The following CTNNA2 variants were observed in gnomAD, a reference collection of about 807,000 sequenced individuals.
CTNNA2 encodes catenin alpha 2.
In CTNNA2, 42 loss-of-function variants were observed where a neutral mutation model predicts 101.0. That is an observed-to-expected ratio of 0.42 (90% CI 0.32 to 0.54). The LOEUF is 0.54. Ranked by LOEUF, CTNNA2 falls within the 20% of genes least tolerant of loss-of-function variation. The pLI is 0.14. For synonymous variants in CTNNA2, 450 were observed against 456.4 expected (o/e 0.99, Z 0.18); for missense variants, 871 against 1,223.1 (o/e 0.71, Z 4.29).
At chr2:79,860,257 A>G (rs1436299813) in intron 4 of CTNNA2, among the ~76,000 whole-genome samples, 1 of 152,194 alleles carries the variant, frequency 6.6e-6, no homozygotes, top group Non-Finnish European at 1.5e-5. Context: ...ACCTAACAAA[A>G]TTAACCTTAC....
intron 3 of CTNNA2, among the ~76,000 whole-genome samples, chr2:79,808,790 A>G (rs897558420): frequency 1.6e-5 from 2 of 125,556 alleles, no homozygotes; most frequent in Non-Finnish European, 3.2e-5. Context: ...CTTTGTCATC[A>G]TCTTTTTTTT....
At chr2:79,459,368 A>C (rs1348520919) in intron 4 of CTNNA2, among the ~76,000 whole-genome samples, 4 of 152,132 alleles carry the variant, frequency 2.6e-5, no homozygotes, top group Non-Finnish European at 4.4e-5. Flanking sequence ...CAAATAGAGG[A>C]ATATGCAAGT....
intron 7 of CTNNA2, among the ~76,000 whole-genome samples, chr2:80,112,929 G>A (rs951033658): frequency 1.3e-5 from 2 of 152,136 alleles, no homozygotes; most frequent in African/African-American, 2.4e-5. Context: ...AGCTAATCAG[G>A]AGCCAGCTGT....
At chr2:79,719,049 C>T (rs1573778885) in intron 2 of CTNNA2, among the ~76,000 whole-genome samples, 1 of 152,226 alleles carries the variant, frequency 6.6e-6, no homozygotes, top group East Asian at 1.9e-4. Flanking sequence ...GCCCTTCCTC[C>T]TCGCTCTAGT....
At chr2:79,343,388 G>T (rs574767579) in intron 3 of CTNNA2, among the ~76,000 whole-genome samples, 2 of 152,244 alleles carry the variant, frequency 1.3e-5, no homozygotes, top group Admixed American at 1.3e-4. Context: ...TATCCATTTT[G>T]CAGAGCAATT....
chr2:79,847,764 G>A (rs1680354645), intron 3 of CTNNA2, among the ~76,000 whole-genome samples: 1 of 152,026 alleles, frequency 6.6e-6, no homozygotes, highest in Admixed American at 6.6e-5. Context: ...AGGAGCATGA[G>A]GAAATCAAGA....
At chr2:80,406,428 A>C (rs1679066674) in intron 8 of CTNNA2, among the ~76,000 whole-genome samples, 1 of 152,024 alleles carries the variant, frequency 6.6e-6, no homozygotes, top group African/African-American at 2.4e-5. Flanking sequence ...GGGAGAAGTC[A>C]GCACTAATGG....
At chr2:79,432,703 T>C (rs1166712287) in intron 4 of CTNNA2, among the ~76,000 whole-genome samples, 3 of 152,200 alleles carry the variant, frequency 2.0e-5, no homozygotes. Flanking sequence ...TTTAGAGATC[T>C]GTGAGTTTAT....
At chr2:79,642,350 A>G (rs1020517127) in intron 1 of CTNNA2, among the ~76,000 whole-genome samples, 5 of 152,196 alleles carry the variant, frequency 3.3e-5, no homozygotes, top group African/African-American at 4.8e-5. Flanking sequence ...TTCACTGCAA[A>G]TAGCAAAAAC....
intron 7 of CTNNA2, among the ~76,000 whole-genome samples, chr2:80,329,497 A>G (rs1342583463): frequency 6.6e-6 from 1 of 152,218 alleles, no homozygotes; most frequent in Non-Finnish European, 1.5e-5. Flanking sequence ...TTGGTCAAAG[A>G]GCAGACACAT....
At chr2:79,994,111 T>C (rs1692373663) in intron 7 of CTNNA2, among the ~76,000 whole-genome samples, 1 of 151,892 alleles carries the variant, frequency 6.6e-6, no homozygotes, top group Admixed American at 6.6e-5. Context: ...GAGACAGGGG[T>C]CTTACTATGT....
chr2:79,379,319 C>A (rs1253380821), intron 4 of CTNNA2, among the ~76,000 whole-genome samples: 1 of 152,092 alleles, frequency 6.6e-6, no homozygotes, highest in Non-Finnish European at 1.5e-5. Flanking sequence ...TATAATATTC[C>A]ATTATAAAAA....
intron 1 of CTNNA2, among the ~76,000 whole-genome samples, chr2:79,640,202 A>T (rs1680357655): frequency 6.6e-6 from 1 of 152,178 alleles, no homozygotes; most frequent in Admixed American, 6.5e-5. Context: ...TGGAATTCAG[A>T]GAAAAGAAAA....
intron 7 of CTNNA2, among the ~76,000 whole-genome samples, chr2:79,979,129 T>C (rs2104602392): frequency 6.6e-6 from 1 of 152,282 alleles, no homozygotes; most frequent in East Asian, 1.9e-4. Context: ...CTCAAGCCTG[T>C]AATCCCCGAG....
rs548770864 is a variant in CTNNA2 at position 80,090,007 on chromosome 2, A to G, written c.1056+180210A>G. ...TTAAAATGTTGGGTCTCTATAAAAC[A>G]TTGTTGATCTGCCAGGATGTGGGAT... On this transcript the variant is annotated intron_variant, in intron 7 of 18. Transcript: ENST00000402739. 2.0e-5 allele frequency among the ~76,000 whole-genome samples: 3 copies of G among 152,062 alleles called. No homozygotes were observed. In the East Asian group the frequency reaches 5.8e-4, roughly 29 times the overall value.
chr2:79,869,765 T>G (rs1462284257), intron 4 of CTNNA2, 51 bp from the exon 5 acceptor site: 6 of 1,579,182 alleles, frequency 3.8e-6, no homozygotes, highest in Non-Finnish European at 5.1e-6. Flanking sequence ...ACATGTTGAA[T>G]AATATTTAAA....
At chr2:79,936,888 AC>A (rs1687829189) in intron 7 of CTNNA2, among the ~76,000 whole-genome samples, 1 of 151,844 alleles carries the variant, frequency 6.6e-6, no homozygotes, top group African/African-American at 2.4e-5. Flanking sequence ...CCCCACACTC[AC>A]CTTTCTTTCG....
intron 4 of CTNNA2, among the ~76,000 whole-genome samples, chr2:79,860,922 C>T (rs1242188028): frequency 6.6e-6 from 1 of 152,152 alleles, no homozygotes; most frequent in Non-Finnish European, 1.5e-5. Flanking sequence ...GATAAAGTAA[C>T]GTATTGTCTG....
chr2:80,110,386 T>C (rs1701142534), intron 7 of CTNNA2, among the ~76,000 whole-genome samples: 2 of 152,208 alleles, frequency 1.3e-5, no homozygotes, highest in South Asian at 4.1e-4. Context: ...GTTATGTAGC[T>C]GATCATGACA....
Sources: gnomAD v4.1 joint callset for allele counts (sites outside exome capture counted in the v4.1 genomes callset) on GRCh38, gnomAD v4.1.1 for gene constraint, MANE v1.5 for transcripts, NCBI Gene and HGNC (gene_info 2026-07-23, HGNC 2026-07-21) for gene names.